TSPAN18: variants seen among roughly 807,000 people sequenced by gnomAD.
TSPAN18 encodes the protein tetraspanin 18.
TSPAN18 carries 14 observed loss-of-function variants against 27.3 expected under a neutral mutation model. The observed-to-expected ratio is 0.51, with a 90% CI of 0.34 to 0.80. TSPAN18 has a LOEUF of 0.80. Among genes scored for constraint, TSPAN18 ranks in the 30% least tolerant of loss-of-function variants. The pLI, the probability that TSPAN18 is intolerant of heterozygous loss-of-function variation, is 0.01. For synonymous variants in TSPAN18, 143 were observed against 136.5 expected (o/e 1.05, Z -0.33); for missense variants, 268 against 323.9 (o/e 0.83, Z 1.32).
intron 3 of TSPAN18, chr11:44,903,559 G>A (rs1231359690): frequency 2.2e-6 from 1 of 456,462 alleles, no homozygotes. Flanking sequence ...CTGGATTGAA[G>A]GGGAGGTAGG....
intron 8 of TSPAN18, 30 bp downstream of exon 8, chr11:44,920,029 TG>T: frequency 6.3e-7 from 1 of 1,599,160 alleles, no homozygotes. Flanking sequence ...GACAGGGGAG[TG>T]GGTCTATCGG....
rs186383548 is a variant in TSPAN18 at position 44,907,181 on chromosome 11, C to T, written c.63+702C>T. On this transcript the variant is annotated intron_variant, in intron 4 of 9. Transcript: ENST00000520358. ...TTCAGGTGGCCGGCCCACCTGCTGG[C>T]GGCCCACCCACATGCTGAGCCCACC... 2.6e-3 allele frequency among the ~76,000 whole-genome samples: 402 copies of T among 152,248 alleles called. 1 individual carries two copies. The highest frequency in any genetic ancestry group is 0.014 in the Middle Eastern group (4 of 294).
At chr11:44,843,697 G>A (rs1464337795) in intron 2 of TSPAN18, among the ~76,000 whole-genome samples, 5 of 152,170 alleles carry the variant, frequency 3.3e-5, no homozygotes, top group Non-Finnish European at 7.3e-5. Context: ...CCTACCCCTA[G>A]GTGCGCATTC....
intron 3 of TSPAN18, among the ~76,000 whole-genome samples, chr11:44,881,973 A>C (rs1858500371): frequency 6.6e-6 from 1 of 152,156 alleles, no homozygotes; most frequent in Non-Finnish European, 1.5e-5. Context: ...CTGGTGAAAG[A>C]ATGACTTCCG....
At chr11:44,896,757 TC>T (rs912973947) in intron 3 of TSPAN18, among the ~76,000 whole-genome samples, 12 of 152,136 alleles carry the variant, frequency 7.9e-5, no homozygotes, top group Admixed American at 2.6e-4. Flanking sequence ...CCTGCTGTTA[TC>T]TGCCTCCTTG....
chr11:44,818,095 C>T (rs1293929940), intron 2 of TSPAN18, among the ~76,000 whole-genome samples: 1 of 152,212 alleles, frequency 6.6e-6, no homozygotes, highest in Non-Finnish European at 1.5e-5. Flanking sequence ...TTCCCATTAG[C>T]CTTTAAGCCT....
chr11:44,931,228 G>A lies in TSPAN18; in HGVS notation c.*2050G>A, dbSNP rs936067776. ...AGGGGGACCTGCCACTGGTACCGCG[G>A]CCCAGCCTGGGGCCTGGGGGCTGCC... is the stretch of plus-strand genomic sequence containing the variant. On this transcript the variant is annotated 3_prime_UTR_variant, in exon 10 of 10. Coordinates refer to ENST00000520358, the MANE Select transcript of TSPAN18 (RefSeq NM_130783.5). 6.6e-6 allele frequency: 2 copies of A among 303,140 alleles called. No homozygotes were observed. Among genetic ancestry groups the A allele is most frequent in the South Asian group, 2.8e-5 (1 of 36,124 alleles). The allele number at this position is 303,140 out of a possible 1,614,324, so 18.8% of individuals were successfully genotyped here.
chr11:44,844,189 C>T (rs370595996), intron 2 of TSPAN18, among the ~76,000 whole-genome samples: 9 of 152,348 alleles, frequency 5.9e-5, no homozygotes, highest in South Asian at 4.1e-4. Context: ...TGGCTTCAGC[C>T]GGTCCCTCTG....
intron 4 of TSPAN18, among the ~76,000 whole-genome samples, chr11:44,908,594 G>A (rs1009247539): frequency 2.0e-5 from 3 of 149,146 alleles, no homozygotes; most frequent in African/African-American, 7.5e-5. Context: ...AATTAGCCGG[G>A]TGTAGTGGCA....
intron 3 of TSPAN18, among the ~76,000 whole-genome samples, chr11:44,887,253 A>G (rs1375326044): frequency 6.6e-6 from 1 of 152,188 alleles, no homozygotes; most frequent in African/African-American, 2.4e-5. Flanking sequence ...CAATTTCCAC[A>G]TCTGTAAGAT....
chr11:44,764,165 C>T (rs1855513934), intron 1 of TSPAN18, among the ~76,000 whole-genome samples: 1 of 152,178 alleles, frequency 6.6e-6, no homozygotes, highest in African/African-American at 2.4e-5. Context: ...GAAACTATCT[C>T]CATCATCTAA....
chr11:44,905,128 A>G (rs954351240), intron 3 of TSPAN18, among the ~76,000 whole-genome samples: 1 of 152,156 alleles, frequency 6.6e-6, no homozygotes, highest in Non-Finnish European at 1.5e-5. Flanking sequence ...GCTTTGATAC[A>G]CATTTTACTA....
At chr11:44,851,606 CTT>C (rs1196074027) in intron 2 of TSPAN18, among the ~76,000 whole-genome samples, 1 of 137,988 alleles carries the variant, frequency 7.2e-6, no homozygotes, top group Non-Finnish European at 1.6e-5. Context: ...CCCAGGTACT[CTT>C]GTCACCTCCC....
At chr11:44,739,655 T>C (rs775457133) in intron 1 of TSPAN18, among the ~76,000 whole-genome samples, 18 of 152,296 alleles carry the variant, frequency 1.2e-4, no homozygotes, top group Admixed American at 3.3e-4. Flanking sequence ...AATCATGTCT[T>C]CCTGGTGAAA....
chr11:44,863,192 C>T (rs931274751), intron 3 of TSPAN18, among the ~76,000 whole-genome samples: 7 of 152,190 alleles, frequency 4.6e-5, no homozygotes, highest in Admixed American at 1.3e-4. Context: ...GGCCTGTGAG[C>T]TGTGCCTAGA....
intron 2 of TSPAN18, among the ~76,000 whole-genome samples, chr11:44,805,441 T>C (rs1856571637): frequency 6.6e-6 from 1 of 152,222 alleles, no homozygotes; most frequent in Non-Finnish European, 1.5e-5. Context: ...GGGAAGGGTC[T>C]TGATGCCTAA....
At chr11:44,773,021 C>T (rs1423196744) in intron 2 of TSPAN18, among the ~76,000 whole-genome samples, 8 of 152,188 alleles carry the variant, frequency 5.3e-5, no homozygotes, top group Admixed American at 4.6e-4. Context: ...TGGCTTCTGA[C>T]TGAATAAGTA....
chr11:44,830,231 T>A (rs576018620), intron 2 of TSPAN18, among the ~76,000 whole-genome samples: 1 of 152,344 alleles, frequency 6.6e-6, no homozygotes, highest in South Asian at 2.1e-4. Flanking sequence ...CAGTGTTCAA[T>A]GCAGATACAT....
chr11:44,857,282 ACG>A (rs1857763172), intron 2 of TSPAN18, among the ~76,000 whole-genome samples: 1 of 152,208 alleles, frequency 6.6e-6, no homozygotes. Context: ...AACTTGACCT[ACG>A]ACAGGCATCT....
Sources: allele counts gnomAD v4.1 joint callset (sites outside exome capture counted in the v4.1 genomes callset), GRCh38; gene constraint gnomAD v4.1.1; transcripts MANE v1.5; gene names NCBI Gene and HGNC (gene_info 2026-07-23, HGNC 2026-07-21).